The following OPA1 variants were observed in gnomAD, a reference collection of about 807,000 sequenced individuals.
OPA1 encodes the protein dynamin-like GTPase OPA1, mitochondrial.
OPA1 carries 59 observed loss-of-function variants against 152.9 expected under a neutral mutation model. The observed-to-expected ratio is 0.39, with a 90% confidence interval of 0.31 to 0.48. The LOEUF (loss-of-function observed/expected upper bound fraction) is 0.48, where lower values mean the gene tolerates loss of function less well. Ranked by LOEUF, OPA1 falls within the 20% of genes least tolerant of loss-of-function variation. OPA1 has a pLI of 0.96. For synonymous variants in OPA1, 400 were observed against 389.9 expected (o/e 1.03, Z -0.31); for missense variants, 1,008 against 1,216.8 (o/e 0.83, Z 2.55).
At chr3:193,610,778 T>C (rs529205899) in intron 1 of OPA1, among the ~76,000 whole-genome samples, 1 of 152,338 alleles carries the variant, frequency 6.6e-6, no homozygotes, top group Non-Finnish European at 1.5e-5. Context: ...TGCAGTTTGA[T>C]CTCAGACTGC....
intron 11 of OPA1, among the ~76,000 whole-genome samples, chr3:193,639,350 A>G (rs1733417052): frequency 1.3e-5 from 2 of 152,236 alleles, no homozygotes; most frequent in African/African-American, 4.8e-5. Flanking sequence ...ACAACAAGAA[A>G]AAGCAGAACC....
At chr3:193,603,311 A>AT (rs1448540526) in intron 1 of OPA1, among the ~76,000 whole-genome samples, 1 of 152,238 alleles carries the variant, frequency 6.6e-6, no homozygotes, top group Non-Finnish European at 1.5e-5. Flanking sequence ...TGCACTGTTT[A>AT]TTAAATAGGT....
At chr3:193,619,041 A>C in intron 6 of OPA1, 105 bp downstream of exon 6, 1 of 876,672 alleles carries the variant, frequency 1.1e-6, no homozygotes, top group South Asian at 1.4e-5. Context: ...AAGCAAATAC[A>C]AAAACATCCA....
chr3:193,677,291 C>CTT (rs752472474), intron 29 of OPA1, among the ~76,000 whole-genome samples: 24,193 of 125,254 alleles, frequency 0.19, 2,532 homozygotes, highest in South Asian at 0.28. Flanking sequence ...TCTTTTACTT[C>CTT]TTTTTTTTTT....
At chr3:193,657,472 A>G (rs1015947142) in intron 23 of OPA1, among the ~76,000 whole-genome samples, 4 of 152,206 alleles carry the variant, frequency 2.6e-5, no homozygotes, top group Non-Finnish European at 5.9e-5. Flanking sequence ...TGCAGTAAAC[A>G]GACTCTGATA....
intron 29 of OPA1, chr3:193,668,448 C>G: frequency 6.4e-7 from 1 of 1,550,422 alleles, no homozygotes; most frequent in Non-Finnish European, 8.7e-7. Flanking sequence ...GTCATGGAGT[C>G]CCTTTTACTG....
intron 6 of OPA1, among the ~76,000 whole-genome samples, chr3:193,621,139 A>G (rs1373314766): frequency 2.6e-5 from 4 of 152,380 alleles, no homozygotes; most frequent in East Asian, 3.9e-4. Context: ...CTAGACTTCT[A>G]CTAGAAATGT....
At chr3:193,685,037 C>G (rs1720742407) in intron 29 of OPA1, among the ~76,000 whole-genome samples, 1 of 151,944 alleles carries the variant, frequency 6.6e-6, no homozygotes, top group Non-Finnish European at 1.5e-5. Flanking sequence ...CGCGGTGGTT[C>G]ACGCCTGTAA....
chr3:193,651,683 T>C (rs898254693), intron 21 of OPA1, among the ~76,000 whole-genome samples: 1 of 152,154 alleles, frequency 6.6e-6, no homozygotes, highest in East Asian at 1.9e-4. Flanking sequence ...CATGGAAAAC[T>C]AAATACAATA....
chr3:193,598,973 T>C (rs1045632988), intron 1 of OPA1, among the ~76,000 whole-genome samples: 5 of 152,180 alleles, frequency 3.3e-5, no homozygotes, highest in Non-Finnish European at 7.4e-5. Context: ...AGTGATAACA[T>C]GGGTCACGCT....
intron 29 of OPA1, among the ~76,000 whole-genome samples, chr3:193,683,684 C>T (rs1383753157): frequency 6.6e-6 from 1 of 152,156 alleles, no homozygotes; most frequent in Non-Finnish European, 1.5e-5. Flanking sequence ...AGACCCTCCA[C>T]CAGCAAAAAG....
rs547175675 is a variant in OPA1 at position 193,696,445 on chromosome 3, A to T, written c.*1845A>T. 2.0e-5 allele frequency: 3 copies of T among 152,358 alleles called. No homozygotes were observed. In the East Asian group the frequency reaches 5.8e-4, roughly 29 times the overall value. The allele number at this position is 152,358 out of a possible 1,614,324, so 9.4% of individuals were successfully genotyped here. A position where few individuals can be genotyped will look rare whatever the true frequency, so the allele number is the denominator to read the frequency against. On this transcript the variant is annotated 3_prime_UTR_variant, in exon 31 of 31. Coordinates refer to ENST00000361510, the MANE Select transcript of OPA1 (RefSeq NM_130837.3). ...ATAGATGATAACAATTAATATTACT[A>T]AAAGTCCCACATGAGAGTCCTGACG...
intron 1 of OPA1, among the ~76,000 whole-genome samples, chr3:193,602,023 A>G (rs1726542377): frequency 6.6e-6 from 1 of 152,198 alleles, no homozygotes; most frequent in Non-Finnish European, 1.5e-5. Context: ...ATGGATTTTC[A>G]TGTAAGGAAA....
At chr3:193,682,357 G>C (rs752841137) in intron 29 of OPA1, among the ~76,000 whole-genome samples, 81 of 152,208 alleles carry the variant, frequency 5.3e-4, no homozygotes, top group Non-Finnish European at 9.0e-4. Context: ...ACATGAAAGT[G>C]CAAGGTGCTG....
intron 7 of OPA1, among the ~76,000 whole-genome samples, chr3:193,629,387 T>C (rs554330586): frequency 1.3e-4 from 20 of 152,278 alleles, no homozygotes; most frequent in African/African-American, 4.1e-4. Context: ...CATTAAATAC[T>C]ACTAATCTAG....
chr3:193,635,661 C>T, intron 9 of OPA1, 139 bp downstream of exon 9: 1 of 649,846 alleles, frequency 1.5e-6, no homozygotes, highest in Non-Finnish European at 2.8e-6. Context: ...GATGGAGGAT[C>T]TCTTCCTATA....
At chr3:193,654,364 C>T (rs951231780) in intron 21 of OPA1, among the ~76,000 whole-genome samples, 18 of 152,032 alleles carry the variant, frequency 1.2e-4, no homozygotes, top group Admixed American at 8.5e-4. Context: ...GGCATAATGG[C>T]GTCCACCTGT....
chr3:193,659,451 A>C, intron 24 of OPA1, 31 bp from the exon 25 acceptor site: 2 of 1,545,260 alleles, frequency 1.3e-6, no homozygotes, highest in Non-Finnish European at 1.8e-6. Context: ...GTAAGTGATA[A>C]AATTCTTGAT....
intron 19 of OPA1, among the ~76,000 whole-genome samples, chr3:193,647,516 C>T (rs923973722): frequency 6.6e-6 from 1 of 152,196 alleles, no homozygotes; most frequent in Non-Finnish European, 1.5e-5. Flanking sequence ...GCAGAGCCCT[C>T]TGAACTTCCT....
Sources: allele counts gnomAD v4.1 joint callset (sites outside exome capture counted in the v4.1 genomes callset), GRCh38; gene constraint gnomAD v4.1.1; transcripts MANE v1.5; gene names NCBI Gene and HGNC (gene_info 2026-07-23, HGNC 2026-07-21).